TRPV2: variants seen among roughly 807,000 people sequenced by gnomAD.
TRPV2 encodes the protein transient receptor potential cation channel subfamily V member 2.
A neutral mutation model predicts 91.0 loss-of-function variants in TRPV2; 58 were observed. The ratio of observed to expected loss-of-function variants is 0.64; its 90% confidence interval spans 0.52 to 0.79. The LOEUF (loss-of-function observed/expected upper bound fraction) is 0.79, where lower values mean the gene tolerates loss of function less well. TRPV2 is among the 30% of genes least tolerant of loss of function. The probability of loss-of-function intolerance (pLI) is 0.00; values close to 1 mark genes in which losing one functional copy is unlikely to be tolerated. For missense variants in TRPV2, 807 were observed against 969.6 expected (o/e 0.83, Z 2.23); for synonymous variants, 417 against 414.8 (o/e 1.01, Z -0.06).
At chr17:16,428,461 C>T in intron 9 of TRPV2, 74 bp downstream of exon 9, 1 of 1,528,164 alleles carries the variant, frequency 6.5e-7, no homozygotes, top group South Asian at 1.1e-5. Context: ...CAGAAGGCAC[C>T]AGGTTGGCTT....
chr17:16,432,596 A>C (rs2093418458), intron 12 of TRPV2, among the ~76,000 whole-genome samples: 1 of 151,934 alleles, frequency 6.6e-6, no homozygotes, highest in Admixed American at 6.6e-5. Flanking sequence ...ACCTGCCACC[A>C]CACTTGGCTA....
chr17:16,422,145 CA>C lies in TRPV2; in HGVS notation c.335-448del, dbSNP rs1186445919. ...CGGTAAAACCCGTCTCTGCTGAAAA[CA>C]AAAAACAAAACAAAACAACAAAAAA... is the stretch of plus-strand genomic sequence containing the variant. On this transcript the variant is annotated intron_variant, in intron 3 of 14. Coordinates refer to ENST00000338560, the MANE Select transcript of TRPV2 (RefSeq NM_016113.5). Among the ~76,000 whole-genome samples the C allele has an allele frequency of 4.0e-5, 6 of 151,358 alleles. No individual in the cohort carries two copies. In the East Asian group the frequency reaches 9.8e-4, roughly 25 times the overall value.
At chr17:16,429,269 C>T (rs1220891381) in intron 10 of TRPV2, among the ~76,000 whole-genome samples, 3 of 152,244 alleles carry the variant, frequency 2.0e-5, no homozygotes, top group Admixed American at 6.5e-5. Flanking sequence ...AGCTCATCTG[C>T]ATGTCTGTGT....
chr17:16,431,256 C>CATATATATATATATATATATATAT (rs60066961), intron 10 of TRPV2, among the ~76,000 whole-genome samples: 1 of 67,832 alleles, frequency 1.5e-5, no homozygotes, highest in African/African-American at 6.9e-5. Flanking sequence ...TGATCTGAGA[C>CATATATATATATATATATATATAT]ATATATATAT....
chr17:16,417,773 G>A lies in TRPV2; in HGVS notation c.105G>A (p.Gly35=). Reference sequence around the variant, plus strand: ...GAGGAAAGCTGGATTTTGGGAGCGGGCTGCCTCCCATGGAGTCACAGTTCC... The same window carrying A: ...GAGGAAAGCTGGATTTTGGGAGCGGACTGCCTCCCATGGAGTCACAGTTCC... ...ADRGKLDFGS[G]LPPMESQFQG... The change falls in exon 2 of 15, where the codon GGG becomes GGA. Residue 35 remains glycine (G), a synonymous_variant. Coordinates refer to ENST00000338560, the MANE Select transcript of TRPV2 (RefSeq NM_016113.5). 6.2e-7 allele frequency: 1 copy of A among 1,614,192 alleles called. No homozygotes were observed.
rs1042483031 is a variant in TRPV2 at position 16,435,702 on chromosome 17, T to G, written c.2194+733T>G. Among the ~76,000 whole-genome samples the G allele has an allele frequency of 6.6e-6, 1 of 152,104 alleles. No homozygotes were observed. The highest frequency in any genetic ancestry group is 2.4e-5 in the African/African-American group (1 of 41,414). On this transcript the variant is annotated intron_variant, in intron 14 of 14. Transcript: ENST00000338560. The surrounding 1 kb of genome is among the most constrained non-coding windows in gnomAD (Gnocchi z 4.2). The stretch of plus-strand genomic sequence containing the variant: ...CTTTCTCCATCTCTTTCCTGACAAA[T>G]TTCACTTGCTTGTGCCTGTTGCCCC...
At chr17:16,434,502 A>G in intron 13 of TRPV2, among the ~76,000 whole-genome samples, 1 of 152,024 alleles carries the variant, frequency 6.6e-6, no homozygotes, top group African/African-American at 2.4e-5. Flanking sequence ...ACAGCAACAA[A>G]AAAAACAGAC....
At position 16,431,294 on chromosome 17, in the gene TRPV2, T is replaced by A. The variant is rs1271346519; in HGVS notation, c.1588-490T>A. On this transcript the variant is annotated intron_variant, in intron 10 of 14. Coordinates refer to ENST00000338560, the MANE Select transcript of TRPV2 (RefSeq NM_016113.5). The stretch of plus-strand genomic sequence containing the variant: ...ATATATATATATATATATACATATT[T>A]TTTTTTTTTTTTTTTTTGAGACGAA... Among the ~76,000 whole-genome samples the A allele has an allele frequency of 7.3e-3, 358 of 49,336 alleles. 7 individuals are homozygous for A. Among genetic ancestry groups the A allele is most frequent in the Non-Finnish European group, 0.011 (281 of 25,446 alleles). The allele number at this position is 49,336 out of a possible 152,430, so 32.4% of individuals were successfully genotyped here.
Position 16,428,323 on chromosome 17 carries a change from T to A in TRPV2, c.1357T>A (p.Tyr453Asn), listed in dbSNP as rs2093394004. 1 of 1,614,042 alleles carries A rather than the reference T, an allele frequency of 6.2e-7. No individual in the cohort carries two copies. Among genetic ancestry groups the A allele is most frequent in the Non-Finnish European group, 8.5e-7 (1 of 1,180,028 alleles). The change falls in exon 9 of 15, where the codon TAC becomes AAC. Residue 453 changes from tyrosine to asparagine, a missense_variant. Physicochemically the swap from Tyr to Asn is moderately radical, Grantham distance 143 (BLOSUM62 -2). Coordinates refer to ENST00000338560, the MANE Select transcript of TRPV2 (RefSeq NM_016113.5). ...GIYLLVGQLW[Y>N]FWRRHVFIWI... ...GTCCTCCCTTCCTCCGCAGCTGTGG[T>A]ACTTCTGGCGGCGCCACGTGTTCAT...
At chr17:16,422,565 C>T (rs374034188) in intron 3 of TRPV2, 34 bp from the exon 4 acceptor site, 1 of 1,595,864 alleles carries the variant, frequency 6.3e-7, no homozygotes, top group African/African-American at 1.3e-5. Context: ...GGTCTCAGCA[C>T]CACTGTGCCC....
chr17:16,436,063 G>A (rs2093432752), intron 14 of TRPV2, among the ~76,000 whole-genome samples: 2 of 151,822 alleles, frequency 1.3e-5, no homozygotes, highest in South Asian at 2.1e-4. Flanking sequence ...TCCTCACCCA[G>A]GTGGAAGGCC....
Position 16,420,008 on chromosome 17 carries a change from G to T in TRPV2, c.201-107G>T, listed in dbSNP as rs564598969. On this transcript the variant is annotated intron_variant, in intron 2 of 14. Coordinates refer to ENST00000338560, the MANE Select transcript of TRPV2 (RefSeq NM_016113.5). ...CTCACTGGGCTCCTGGGCCTGAGGG[G>T]TGTGCAGTGTGTACAGGACTCCCTG... is the stretch of plus-strand genomic sequence containing the variant. The T allele has an allele frequency of 2.2e-4, 326 of 1,472,954 alleles. 2 individuals are homozygous for T. In the African/African-American group the frequency reaches 4.3e-3, roughly 19 times the overall value. 91.2% of individuals were successfully genotyped at this position (1,472,954 alleles called of 1,614,324 possible). A position where few individuals can be genotyped will look rare whatever the true frequency, so the allele number is the denominator to read the frequency against.
chr17:16,435,014 TC>T lies in TRPV2; in HGVS notation c.2194+46del. ...GAGCCTCTGCCCTGGGGTGTGTGTC[TC>T]TGCTGCTTGGCCACAAAGCCTTGGA... On this transcript the variant is annotated intron_variant, in intron 14 of 14. Transcript: ENST00000338560. The surrounding 1 kb of genome is among the most constrained non-coding windows in gnomAD (Gnocchi z 4.2). 2 of 1,542,436 alleles carry T rather than the reference TC, an allele frequency of 1.3e-6. No homozygotes were observed. The highest frequency in any genetic ancestry group is 1.8e-6 in the Non-Finnish European group (2 of 1,134,130).
In TRPV2 at chr17:16,423,662, C is replaced by T. The variant is rs779136163; in HGVS notation, c.819C>T (p.Leu273=). The T allele has an allele frequency of 1.9e-6, 3 of 1,614,056 alleles. No homozygotes were observed. Among genetic ancestry groups the T allele is most frequent in the Admixed American group, 1.7e-5 (1 of 60,010 alleles). Residue 273 remains leucine (L), a synonymous_variant, in exon 5 of 15, where the codon CTC becomes CTT. Transcript: ENST00000338560. ...IALVTSMYDG[L]LQAGARLCPT... The stretch of plus-strand genomic sequence containing the variant: ...TGGTGACCAGCATGTATGATGGGCT[C>T]CTCCAAGCTGGGGCCCGCCTCTGCC...
intron 14 of TRPV2, among the ~76,000 whole-genome samples, chr17:16,436,246 C>T (rs2093433522): frequency 6.6e-6 from 1 of 152,148 alleles, no homozygotes. Flanking sequence ...CTAATGTGGA[C>T]AAAAACCACA....
Position 16,432,135 on chromosome 17 carries a change from C to T in TRPV2, c.1824C>T (p.Gly608=), listed in dbSNP as rs749431232. The change falls in exon 12 of 15, where the codon GGC becomes GGT. Residue 608 remains glycine (G), a synonymous_variant. Transcript: ENST00000338560. ...LELFKFTIGM[G]ELAFQEQLHF... is the part of the protein sequence containing the mutation. Reference sequence around the variant, plus strand: ...TCTTCAAATTCACCATCGGCATGGGCGAGCTGGCCTTCCAGGAGCAGCTGC... The same window carrying T: ...TCTTCAAATTCACCATCGGCATGGGTGAGCTGGCCTTCCAGGAGCAGCTGC... 2.9e-5 allele frequency: 47 copies of T among 1,614,136 alleles called. No individual in the cohort carries two copies. Among genetic ancestry groups the T allele is most frequent in the Middle Eastern group, 1.6e-4 (1 of 6,084 alleles).
rs2093428821 is a variant in TRPV2 at position 16,434,885 on chromosome 17, C to T, written c.2115-5C>T. 2 of 1,610,866 alleles carry T rather than the reference C, an allele frequency of 1.2e-6. No homozygotes were observed. The highest frequency in any genetic ancestry group is 1.9e-4 in the Middle Eastern group (1 of 5,200). ...CAAACCTCAGAGCTGCTCTGTTGCCCTCAGGGTGGAGGAGGTGAACTGGGC... is the reference window on the plus strand; with the variant it reads ...CAAACCTCAGAGCTGCTCTGTTGCCTTCAGGGTGGAGGAGGTGAACTGGGC... On this transcript the variant is annotated splice_region_variant and splice_polypyrimidine_tract_variant and intron_variant, in intron 13 of 14. Coordinates refer to ENST00000338560, the MANE Select transcript of TRPV2 (RefSeq NM_016113.5).
chr17:16,431,156 A>G (rs142887661), intron 10 of TRPV2, among the ~76,000 whole-genome samples: 1 of 148,378 alleles, frequency 6.7e-6, no homozygotes, highest in African/African-American at 2.5e-5. Context: ...GGCTCAAGCA[A>G]TCCTCCTGTC....
At position 16,433,671 on chromosome 17, in the gene TRPV2, G is replaced by T; in HGVS notation, c.2087G>T (p.Gly696Val). The change falls in exon 13 of 15, where the codon GGC (glycine) becomes GTC (valine). Residue 696 changes from glycine (G) to valine (V), a missense_variant. Physicochemically the swap from Gly to Val is moderately radical, Grantham distance 109. Coordinates refer to ENST00000338560, the MANE Select transcript of TRPV2 (RefSeq NM_016113.5). ...CTGACCGTTGGCACTAAGCCAGATGGCAGCCCCGATGAGCGCTGGTGCTTC... is the reference window on the plus strand; with the variant it reads ...CTGACCGTTGGCACTAAGCCAGATGTCAGCCCCGATGAGCGCTGGTGCTTC... ...VMLTVGTKPDGSPDERWCFRV... is the reference protein window; with the variant it reads ...VMLTVGTKPDVSPDERWCFRV... 1 of 1,614,076 alleles carries T rather than the reference G, an allele frequency of 6.2e-7. No homozygotes were observed. The highest frequency in any genetic ancestry group is 8.5e-7 in the Non-Finnish European group (1 of 1,180,016).
Sources: gnomAD v4.1 joint callset for allele counts (sites outside exome capture counted in the v4.1 genomes callset) on GRCh38, gnomAD v4.1.1 for gene constraint, Gnocchi (gnomAD v3.1) non-coding constraint, MANE v1.5 for transcripts, NCBI Gene and HGNC (gene_info 2026-07-23, HGNC 2026-07-21) for gene names.